Variants in BICC1 observed in about 807,000 individuals in gnomAD.
BICC1 encodes the protein BicC family RNA binding protein 1.
BICC1 carries 43 observed loss-of-function variants against 111.0 expected under a neutral mutation model. That is an observed-to-expected ratio of 0.39 (90% CI 0.30 to 0.50). BICC1 has a LOEUF of 0.50. BICC1 is among the 20% of genes least tolerant of loss of function. The pLI, the probability that BICC1 is intolerant of heterozygous loss-of-function variation, is 0.88. For synonymous variants in BICC1, 467 were observed against 434.4 expected (o/e 1.07, Z -0.93); for missense variants, 1,091 against 1,203.2 (o/e 0.91, Z 1.38).
intron 3 of BICC1, among the ~76,000 whole-genome samples, chr10:58,707,225 G>A (rs986441730): frequency 3.3e-5 from 5 of 152,214 alleles, no homozygotes; most frequent in African/African-American, 1.2e-4. Context: ...ATGTTAGCAT[G>A]AGAAAAATAG....
In BICC1 at chr10:58,581,174, G is replaced by A. The variant is rs553902282; in HGVS notation, c.191-39681G>A. ...TTTATAAGGATAACATAAAGTCTCA[G>A]ATAATTGTGCCTACTACTCCTGAAG... On this transcript the variant is annotated intron_variant, in intron 1 of 20. Transcript: ENST00000373886. Among the ~76,000 whole-genome samples, 8 of 152,258 alleles carry A rather than the reference G, an allele frequency of 5.3e-5. No individual in the cohort carries two copies. The South Asian group carries it at 1.7e-3, about 32-fold the overall frequency.
chr10:58,754,902 G>A (rs1158723101), intron 3 of BICC1, among the ~76,000 whole-genome samples: 4 of 152,124 alleles, frequency 2.6e-5, no homozygotes, highest in Non-Finnish European at 4.4e-5. Context: ...AATGCCATTG[G>A]TCCTTAGCTT....
intron 2 of BICC1, among the ~76,000 whole-genome samples, chr10:58,664,693 GT>G (rs1170190271): frequency 1.3e-4 from 19 of 145,106 alleles, no homozygotes; most frequent in South Asian, 6.6e-4. Context: ...AGGCTTGTGG[GT>G]TTTTTTTTTC....
chr10:58,802,193 C>A (rs1376994747), intron 14 of BICC1, among the ~76,000 whole-genome samples: 1 of 152,196 alleles, frequency 6.6e-6, no homozygotes, highest in Non-Finnish European at 1.5e-5. Flanking sequence ...GTTCTCCTGA[C>A]CTTTGGCACC....
chr10:58,795,664 T>G (rs1843330336), intron 9 of BICC1, among the ~76,000 whole-genome samples: 1 of 151,978 alleles, frequency 6.6e-6, no homozygotes, highest in Non-Finnish European at 1.5e-5. Flanking sequence ...TTTTTTTTTT[T>G]GGTCCATTGA....
At chr10:58,738,943 A>G (rs1197834469) in intron 3 of BICC1, among the ~76,000 whole-genome samples, 1 of 150,670 alleles carries the variant, frequency 6.6e-6, no homozygotes, top group Non-Finnish European at 1.5e-5. Context: ...TTGTATCCTG[A>G]GACTTTGCTG....
chr10:58,688,195 G>A (rs748077863), intron 2 of BICC1, among the ~76,000 whole-genome samples: 12 of 152,070 alleles, frequency 7.9e-5, no homozygotes, highest in Non-Finnish European at 1.5e-4. Flanking sequence ...TGTGGAAGGG[G>A]ACCCAAGTGG....
At chr10:58,785,793 C>T (rs557299459) in intron 4 of BICC1, among the ~76,000 whole-genome samples, 100 of 152,278 alleles carry the variant, frequency 6.6e-4, no homozygotes, top group African/African-American at 2.2e-3. Flanking sequence ...ACCCTAGAGC[C>T]GGTTAAGTGG....
chr10:58,605,618 G>A (rs1360888072), intron 1 of BICC1, among the ~76,000 whole-genome samples: 63 of 152,192 alleles, frequency 4.1e-4, no homozygotes, highest in Non-Finnish European at 2.9e-5. Flanking sequence ...GATATAACCT[G>A]TGCATATCCT....
chr10:58,709,774 A>G (rs1279738373), intron 3 of BICC1, among the ~76,000 whole-genome samples: 2 of 152,224 alleles, frequency 1.3e-5, no homozygotes, highest in Non-Finnish European at 2.9e-5. Context: ...GATTGTGACT[A>G]AACCTTCTTT....
At chr10:58,577,459 C>G (rs1281600245) in intron 1 of BICC1, among the ~76,000 whole-genome samples, 1 of 152,142 alleles carries the variant, frequency 6.6e-6, no homozygotes, top group East Asian at 1.9e-4. Flanking sequence ...CTGTAGCTTC[C>G]TAACAATTCC....
At chr10:58,559,708 G>T (rs1277580431) in intron 1 of BICC1, among the ~76,000 whole-genome samples, 1 of 152,030 alleles carries the variant, frequency 6.6e-6, no homozygotes, top group East Asian at 1.9e-4. Context: ...TGTTCAGTAT[G>T]GCGTCAGCTA....
intron 1 of BICC1, among the ~76,000 whole-genome samples, 180 bp downstream of exon 1, chr10:58,513,513 C>G (rs561519989): frequency 3.9e-5 from 6 of 152,238 alleles, no homozygotes; most frequent in Non-Finnish European, 8.8e-5. Flanking sequence ...GACTCCCCAC[C>G]CTTCCACGCC....
intron 2 of BICC1, among the ~76,000 whole-genome samples, chr10:58,678,150 C>T (rs983184617): frequency 2.0e-5 from 3 of 152,086 alleles, no homozygotes; most frequent in South Asian, 2.1e-4. Context: ...GGCAAAATAA[C>T]GGGCAAAATA....
rs1232955469 is a variant in BICC1, at chr10:58,829,876, A to T, written c.*985A>T. ...TGAAATTGATATTTACTAGAGATTT[A>T]TGGTAGAGAATGGACGACATTCAAT... On this transcript the variant is annotated 3_prime_UTR_variant, in exon 21 of 21. Coordinates refer to ENST00000373886, the MANE Select transcript of BICC1 (RefSeq NM_001080512.3). The T allele has an allele frequency of 1.3e-5, 2 of 152,224 alleles. No individual in the cohort carries two copies. Among genetic ancestry groups the T allele is most frequent in the Non-Finnish European group, 2.9e-5 (2 of 68,040 alleles). 9.4% of individuals were successfully genotyped at this position (152,224 alleles called of 1,614,324 possible). A position where few individuals can be genotyped will look rare whatever the true frequency, so the allele number is the denominator to read the frequency against.
chr10:58,801,398 A>G (rs1843543019), intron 14 of BICC1, among the ~76,000 whole-genome samples: 1 of 152,050 alleles, frequency 6.6e-6, no homozygotes, highest in African/African-American at 2.4e-5. Flanking sequence ...ATTCTCCTTC[A>G]TTTGGCTTTG....
At chr10:58,706,522 A>T (rs1840391768) in intron 3 of BICC1, among the ~76,000 whole-genome samples, 1 of 152,134 alleles carries the variant, frequency 6.6e-6, no homozygotes, top group Non-Finnish European at 1.5e-5. Context: ...ACGGTAAATG[A>T]TATGGTTTGG....
Position 58,803,201 on chromosome 10 carries a change from A to G in BICC1, c.2140A>G (p.Arg714Gly). The change falls in exon 15 of 21, where the codon AGG (arginine) becomes GGG (glycine). Residue 714 changes from arginine to glycine, a missense_variant. Physicochemically the swap from Arg to Gly is moderately radical, Grantham distance 125. Around this residue, in one of 3 missense-constraint regions of BICC1, gnomAD observed 843 missense variants for 900.8 expected, o/e 0.94. Coordinates refer to ENST00000373886, the MANE Select transcript of BICC1 (RefSeq NM_001080512.3). ...RAAAAQQNSE[R>G]AHLAPRSSYV... ...AGCAGCTGCCCAGCAAAACTCCGAAAGGGCCCACCTTGCTCCACGGTCATC... is the reference window on the plus strand; with the variant it reads ...AGCAGCTGCCCAGCAAAACTCCGAAGGGGCCCACCTTGCTCCACGGTCATC... 1 of 1,609,296 alleles carries G rather than the reference A, an allele frequency of 6.2e-7. No individual in the cohort carries two copies. Among genetic ancestry groups the G allele is most frequent in the Non-Finnish European group, 8.5e-7 (1 of 1,177,626 alleles).
At chr10:58,617,419 C>T (rs1325054167) in intron 1 of BICC1, among the ~76,000 whole-genome samples, 2 of 152,076 alleles carry the variant, frequency 1.3e-5, no homozygotes, top group Non-Finnish European at 2.9e-5. Flanking sequence ...AATACAAGTC[C>T]CTTAGCAGCA....
Sources: gnomAD v4.1 joint callset for allele counts (sites outside exome capture counted in the v4.1 genomes callset) on GRCh38, gnomAD v4.1.1 for gene constraint, gnomAD v4.1.1 regional missense constraint, MANE v1.5 for transcripts, NCBI Gene and HGNC (gene_info 2026-07-23, HGNC 2026-07-21) for gene names.